The following DAPK1 variants were observed in gnomAD, a reference collection of about 807,000 sequenced individuals.
DAPK1 encodes the protein death associated protein kinase 1, also known as death-associated protein kinase 1.
In DAPK1, 56 loss-of-function variants were observed where a neutral mutation model predicts 144.9. That is an observed-to-expected ratio of 0.39 (90% CI 0.31 to 0.48). The LOEUF (loss-of-function observed/expected upper bound fraction) is 0.48. Ranked by LOEUF, DAPK1 falls within the 20% of genes least tolerant of loss-of-function variation. The pLI, the probability that DAPK1 is intolerant of heterozygous loss-of-function variation, is 0.95. For missense variants in DAPK1, 1,454 were observed against 1,875.4 expected (o/e 0.78, Z 4.15); for synonymous variants, 690 against 749.0 (o/e 0.92, Z 1.29).
At chr9:87,607,316 C>G (rs1428550853) in intron 3 of DAPK1, among the ~76,000 whole-genome samples, 1 of 152,220 alleles carries the variant, frequency 6.6e-6, no homozygotes, top group Non-Finnish European at 1.5e-5. Flanking sequence ...TAAGACAGTG[C>G]ATACAAAGTG....
intron 2 of DAPK1, among the ~76,000 whole-genome samples, chr9:87,570,155 G>GA (rs779721361): frequency 3.9e-5 from 6 of 151,942 alleles, no homozygotes; most frequent in Non-Finnish European, 7.4e-5. Flanking sequence ...TGCAGTCCAG[G>GA]AAAAAGAAGG....
intron 3 of DAPK1, among the ~76,000 whole-genome samples, chr9:87,621,820 C>T (rs183040840): frequency 9.6e-4 from 146 of 152,264 alleles, no homozygotes; most frequent in Non-Finnish European, 1.6e-3. Context: ...TCTACCCTCT[C>T]CTGCCTGTTA....
chr9:87,529,528 A>G (rs559515958), intron 2 of DAPK1, among the ~76,000 whole-genome samples: 1 of 152,346 alleles, frequency 6.6e-6, no homozygotes. Flanking sequence ...GACACATAGT[A>G]GATGCTCAGT....
rs1392415911 is a variant in DAPK1, at chr9:87,706,863, G to A, written c.3792G>A (p.Lys1264=). 6.2e-7 allele frequency: 1 copy of A among 1,613,990 alleles called. No individual in the cohort carries two copies. The part of the protein sequence containing the change: ...PRDFFRAQTL[K]ETSLTNTMGG... ...ACTTCTTCCGGGCACAGACTCTGAAGGAAACCTCACTGACCAACACCATGG... is the reference window on the plus strand; with the variant it reads ...ACTTCTTCCGGGCACAGACTCTGAAAGAAACCTCACTGACCAACACCATGG... Residue 1264 remains lysine (K), a synonymous_variant, in exon 26 of 26, where the codon AAG becomes AAA. Transcript: ENST00000408954. This position sits in a 1 kb window ranked among gnomAD's most constrained non-coding sequence, Gnocchi z 9.0.
At chr9:87,638,185 C>T in intron 4 of DAPK1, 104 bp downstream of exon 4, 2 of 1,237,778 alleles carry the variant, frequency 1.6e-6, no homozygotes, top group Non-Finnish European at 2.2e-6. Flanking sequence ...ACATGATTTT[C>T]CTGTACCAGT....
intron 2 of DAPK1, among the ~76,000 whole-genome samples, chr9:87,585,129 G>A (rs1181906077): frequency 2.0e-5 from 3 of 152,126 alleles, no homozygotes; most frequent in African/African-American, 4.8e-5. Flanking sequence ...TTCCCATTCG[G>A]TAGGTAATCT....
intron 2 of DAPK1, among the ~76,000 whole-genome samples, chr9:87,529,985 C>T (rs1825647111): frequency 6.6e-6 from 1 of 152,230 alleles, no homozygotes; most frequent in African/African-American, 2.4e-5. Context: ...CTCAGAACCC[C>T]TGCTTCCTCA....
chr9:87,653,715 C>T, intron 17 of DAPK1, among the ~76,000 whole-genome samples: 1 of 151,076 alleles, frequency 6.6e-6, no homozygotes, highest in African/African-American at 2.4e-5. Flanking sequence ...TTTTTTGAGA[C>T]AGAGTCTCAC....
chr9:87,643,663 T>G (rs1291701375), intron 11 of DAPK1, among the ~76,000 whole-genome samples, 195 bp downstream of exon 11: 1 of 152,020 alleles, frequency 6.6e-6, no homozygotes, highest in African/African-American at 2.4e-5. Flanking sequence ...TCTCTTTGAT[T>G]TGGATGGTGC....
chr9:87,692,943 G>C (rs1825114649), intron 21 of DAPK1, among the ~76,000 whole-genome samples: 1 of 100,496 alleles, frequency 1.0e-5, no homozygotes, highest in Non-Finnish European at 1.9e-5. Flanking sequence ...TCCCTTGTAA[G>C]TGACTAGACT....
At chr9:87,649,871 G>GT in intron 15 of DAPK1, 50 bp from the exon 16 acceptor site, 1 of 1,589,822 alleles carries the variant, frequency 6.3e-7, no homozygotes, top group Non-Finnish European at 8.6e-7. Context: ...TTTATACTTT[G>GT]TTTCTCATTA....
intron 2 of DAPK1, among the ~76,000 whole-genome samples, chr9:87,514,400 A>G (rs1399997000): frequency 6.6e-6 from 1 of 152,200 alleles, no homozygotes; most frequent in African/African-American, 2.4e-5. Context: ...TATGACCTGG[A>G]GAACCTGCTG....
At chr9:87,570,169 A>T (rs1827277438) in intron 2 of DAPK1, among the ~76,000 whole-genome samples, 1 of 152,220 alleles carries the variant, frequency 6.6e-6, no homozygotes, top group Admixed American at 6.5e-5. Flanking sequence ...AAGAAGGCAC[A>T]AACACTGCTG....
intron 23 of DAPK1, among the ~76,000 whole-genome samples, chr9:87,699,606 T>A (rs1825387546): frequency 1.3e-5 from 2 of 152,222 alleles, no homozygotes; most frequent in African/African-American, 4.8e-5. Flanking sequence ...CCTGCAGCTT[T>A]CTATAATATG....
Position 87,703,207 on chromosome 9 carries a change from G to A in DAPK1, c.3050G>A (p.Ser1017Asn). The change falls in exon 25 of 26, where the codon AGC (serine) becomes AAC (asparagine). Residue 1017 changes from serine to asparagine, a missense_variant. Transcript: ENST00000408954. ...AGGCGCATTGCTCAGCAGCTCCACA[G>A]CACAGGCGAGGTGAGCCCCTGGGAG... is the stretch of plus-strand genomic sequence containing the variant. ...DLRRIAQQLH[S>N]TGEINIMQSE... 1 of 1,607,202 alleles carries A rather than the reference G, an allele frequency of 6.2e-7. No individual in the cohort carries two copies. Among genetic ancestry groups the A allele is most frequent in the Non-Finnish European group, 8.5e-7 (1 of 1,173,794 alleles).
chr9:87,498,699 G>C (rs535995267), intron 1 of DAPK1: 3 of 406,364 alleles, frequency 7.4e-6, no homozygotes, highest in Non-Finnish European at 1.3e-5. Context: ...GTCACTTCCG[G>C]AGCCGGTTCT....
At chr9:87,649,707 AAGAG>A (rs1435486821) in intron 15 of DAPK1, among the ~76,000 whole-genome samples, 3 of 152,100 alleles carry the variant, frequency 2.0e-5, no homozygotes, top group Non-Finnish European at 4.4e-5. Flanking sequence ...AAACTAATGA[AAGAG>A]AGACATCAGA....
At chr9:87,577,591 AGTTCCAGACC>A (rs368048262) in intron 2 of DAPK1, among the ~76,000 whole-genome samples, 5 of 152,164 alleles carry the variant, frequency 3.3e-5, no homozygotes, top group African/African-American at 1.2e-4. Flanking sequence ...TGAGGTCAGG[AGTTCCAGACC>A]GTCCTGGCCA....
In DAPK1 at chr9:87,706,487, C is replaced by G. The variant is rs1432553628; in HGVS notation, c.3416C>G (p.Pro1139Arg). 3.1e-6 allele frequency: 5 copies of G among 1,613,604 alleles called. No homozygotes were observed. Among genetic ancestry groups the G allele is most frequent in the Non-Finnish European group, 4.2e-6 (5 of 1,179,792 alleles). ...ATCGTGCCCGTGGAACACCTCACCC[C>G]CTTCCCATGTGGCATCTTTCACAAG... is the stretch of plus-strand genomic sequence containing the variant. The part of the protein sequence containing the change: ...VRIVPVEHLT[P>R]FPCGIFHKVQ... The change falls in exon 26 of 26, where the codon CCC becomes CGC. Residue 1139 changes from proline to arginine, a missense_variant. By Grantham distance (103) the Pro-to-Arg change is moderately radical. This residue lies in a region of DAPK1 where 1,025 missense variants were observed against 1,237.9 expected (regional missense o/e 0.83). Transcript: ENST00000408954. This position sits in a 1 kb window ranked among gnomAD's most constrained non-coding sequence, Gnocchi z 9.0.
Sources: gnomAD v4.1 joint callset for allele counts (sites outside exome capture counted in the v4.1 genomes callset) on GRCh38, gnomAD v4.1.1 for gene constraint, gnomAD v4.1.1 regional missense constraint, Gnocchi (gnomAD v3.1) non-coding constraint, MANE v1.5 for transcripts, NCBI Gene and HGNC (gene_info 2026-07-23, HGNC 2026-07-21) for gene names.